The following ETS1 variants were observed in gnomAD, a reference collection of about 807,000 sequenced individuals.
The protein encoded by ETS1 is protein C-ets-1.
ETS1 carries 15 observed loss-of-function variants against 58.6 expected under a neutral mutation model. The observed-to-expected ratio is 0.26, with a 90% CI of 0.17 to 0.39. ETS1 has a LOEUF of 0.39. Ranked by LOEUF, ETS1 falls within the 10% of genes least tolerant of loss-of-function variation. The probability of loss-of-function intolerance (pLI) is 1.00; values close to 1 mark genes in which losing one functional copy is unlikely to be tolerated. For synonymous variants in ETS1, 214 were observed against 218.2 expected (o/e 0.98, Z 0.17); for missense variants, 417 against 610.5 (o/e 0.68, Z 3.34).
At chr11:128,522,298 C>A in intron 3 of ETS1, 3 of 1,085,592 alleles carry the variant, frequency 2.8e-6, no homozygotes, top group East Asian at 6.3e-5. Context: ...CTGCCTCGTT[C>A]GCTCTCGATC....
At chr11:128,512,233 C>T (rs547489466) in intron 3 of ETS1, among the ~76,000 whole-genome samples, 5 of 152,042 alleles carry the variant, frequency 3.3e-5, no homozygotes, top group African/African-American at 9.7e-5. Flanking sequence ...ACTATTGGGG[C>T]GAAATAATGA....
At chr11:128,563,909 C>T (rs1472900167) in intron 2 of ETS1, among the ~76,000 whole-genome samples, 1 of 152,136 alleles carries the variant, frequency 6.6e-6, no homozygotes, top group African/African-American at 2.4e-5. Flanking sequence ...CTGCTTAAAC[C>T]CTTCCTCCTG....
intron 3 of ETS1, chr11:128,527,435 G>A (rs1863820427): frequency 6.2e-6 from 1 of 161,822 alleles, no homozygotes; most frequent in South Asian, 1.5e-4. Flanking sequence ...AGCTGCCCAA[G>A]GTTAGAGGGT....
At chr11:128,519,248 AG>A (rs1863601424) in intron 3 of ETS1, among the ~76,000 whole-genome samples, 1 of 152,106 alleles carries the variant, frequency 6.6e-6, no homozygotes, top group East Asian at 1.9e-4. Flanking sequence ...AAGTGCATAA[AG>A]GTTCTTGGTC....
intron 3 of ETS1, among the ~76,000 whole-genome samples, chr11:128,543,038 G>C (rs928953690): frequency 6.6e-6 from 1 of 151,974 alleles, no homozygotes; most frequent in Non-Finnish European, 1.5e-5. Flanking sequence ...AGCCGGGCAT[G>C]GTGGCAAGCG....
chr11:128,585,326 AG>A lies in ETS1; in HGVS notation c.-15+2161del, dbSNP rs1865010406. ...AGGGAAGGGAGGGAAGAAGGAAGGA[AG>A]GAAGCAAGGAAGGAAGGAAGCAAGG... is the stretch of plus-strand genomic sequence containing the variant. On this transcript the variant is annotated intron_variant, in intron 1 of 9. Transcript: ENST00000392668. Among the ~76,000 whole-genome samples the A allele has an allele frequency of 9.2e-5, 13 of 140,668 alleles. 1 individual carries two copies. The South Asian group carries it at 2.9e-3, about 31-fold the overall frequency. 92.3% of individuals were successfully genotyped at this position (140,668 alleles called of 152,430 possible).
chr11:128,483,306 C>A (rs1459957942), intron 7 of ETS1, among the ~76,000 whole-genome samples: 1 of 152,150 alleles, frequency 6.6e-6, no homozygotes, highest in Non-Finnish European at 1.5e-5. Flanking sequence ...GAGACAATTA[C>A]ACAAATGCAA....
chr11:128,523,005 G>C (rs936020766), intron 3 of ETS1, among the ~76,000 whole-genome samples: 11 of 146,016 alleles, frequency 7.5e-5, no homozygotes, highest in African/African-American at 2.7e-4. Context: ...CCAGCCATGA[G>C]CTTCCGTAAG....
chr11:128,502,348 G>T (rs1377209907), intron 3 of ETS1, among the ~76,000 whole-genome samples: 1 of 152,220 alleles, frequency 6.6e-6, no homozygotes, highest in Admixed American at 6.5e-5. Flanking sequence ...AAAAGTAACT[G>T]CTGCTCTGCC....
At chr11:128,522,093 G>A (rs573759834) in intron 3 of ETS1, 188 of 1,319,092 alleles carry the variant, frequency 1.4e-4, no homozygotes, top group Middle Eastern at 9.3e-4. Context: ...GGGGACGGGG[G>A]AAATCCGACT....
chr11:128,513,319 C>G (rs1040783305), intron 3 of ETS1, among the ~76,000 whole-genome samples: 1 of 152,180 alleles, frequency 6.6e-6, no homozygotes, highest in Admixed American at 6.5e-5. Flanking sequence ...TAGGAGAAAT[C>G]TGACAGGTCG....
intron 3 of ETS1, chr11:128,522,355 TC>T: frequency 1.0e-6 from 1 of 1,002,980 alleles, no homozygotes; most frequent in African/African-American, 1.7e-5. Context: ...TCTCCCCTCC[TC>T]TTTAGGGCGT....
At chr11:128,566,374 T>G (rs11221351) in intron 2 of ETS1, among the ~76,000 whole-genome samples, 2 of 152,058 alleles carry the variant, frequency 1.3e-5, no homozygotes, top group African/African-American at 4.8e-5. Context: ...GACAAGCATG[T>G]TCTCACTGAA....
intron 1 of ETS1, among the ~76,000 whole-genome samples, chr11:128,576,977 A>G (rs916703853): frequency 2.0e-5 from 3 of 152,138 alleles, no homozygotes; most frequent in Admixed American, 6.5e-5. Context: ...GTGTATTTCT[A>G]TCACGGTGCT....
chr11:128,468,318 C>A (rs749586862), intron 8 of ETS1, among the ~76,000 whole-genome samples: 1 of 152,208 alleles, frequency 6.6e-6, no homozygotes, highest in African/African-American at 2.4e-5. Flanking sequence ...TATTAAAAAT[C>A]CCCTGCTATT....
At chr11:128,475,851 C>A (rs575431770) in intron 8 of ETS1, among the ~76,000 whole-genome samples, 1 of 151,502 alleles carries the variant, frequency 6.6e-6, no homozygotes, top group Non-Finnish European at 1.5e-5. Context: ...GCACCCGGCC[C>A]GGGGCTTCTT....
intron 4 of ETS1, 72 bp from the exon 5 acceptor site, chr11:128,489,562 C>T: frequency 8.5e-7 from 1 of 1,171,698 alleles, no homozygotes; most frequent in Non-Finnish European, 1.3e-6. Context: ...AGAGAGGACA[C>T]TGAAGGAGCT....
chr11:128,515,234 G>A (rs1402617639), intron 3 of ETS1, among the ~76,000 whole-genome samples: 1 of 151,320 alleles, frequency 6.6e-6, no homozygotes, highest in Non-Finnish European at 1.5e-5. Flanking sequence ...CTACTTCAAA[G>A]TTCATTTTAT....
chr11:128,500,612 G>A (rs1863061796), intron 3 of ETS1, among the ~76,000 whole-genome samples: 1 of 151,736 alleles, frequency 6.6e-6, no homozygotes, highest in Non-Finnish European at 1.5e-5. Context: ...AAATAAATCT[G>A]GACTGAGAAG....
Sources: allele counts gnomAD v4.1 joint callset (sites outside exome capture counted in the v4.1 genomes callset), GRCh38; gene constraint gnomAD v4.1.1; transcripts MANE v1.5; gene names NCBI Gene and HGNC (gene_info 2026-07-23, HGNC 2026-07-21).